ZFX: variants seen among roughly 807,000 people sequenced by gnomAD.
The protein encoded by ZFX is zinc finger X-chromosomal protein.
For missense variants in ZFX, 362 were observed against 628.3 expected (o/e 0.58, Z 4.53); for synonymous variants, 196 against 226.8 (o/e 0.86, Z 1.22).
chrX:24,168,766 T>A (rs1235649641), intron 3 of ZFX, among the ~76,000 whole-genome samples: 3 of 108,099 alleles, frequency 2.8e-5, no homozygotes, highest in Non-Finnish European at 3.8e-5. Context: ...ATGATTCTCG[T>A]AACTGGGAAG....
rs926065036 is a variant in ZFX, at chrX:24,215,814, C to A, written c.*4438C>A. On this transcript the variant is annotated 3_prime_UTR_variant, in exon 10 of 10. Transcript: ENST00000304543. ...GGTAAACTGAGTTGAGAGGAAGATT[C>A]AGCATTTAAAAGAGAAGGGTTGAAA... The A allele has an allele frequency of 9.5e-6, 1 of 105,218 alleles. No individual in the cohort carries two copies. Among genetic ancestry groups the A allele is most frequent in the East Asian group, 2.9e-4 (1 of 3,479 alleles). The allele number at this position is 105,218 out of a possible 1,213,427, so 8.7% of individuals were successfully genotyped here. A position where few individuals can be genotyped will look rare whatever the true frequency, so the allele number is the denominator to read the frequency against.
At chrX:24,185,228 A>G (rs1056758038) in intron 5 of ZFX, among the ~76,000 whole-genome samples, 3 of 110,466 alleles carry the variant, frequency 2.7e-5, no homozygotes, top group African/African-American at 6.6e-5. Flanking sequence ...AGCCTCCCCA[A>G]TTTCTTCAAT....
chrX:24,195,254 C>T (rs1338392719), intron 5 of ZFX, among the ~76,000 whole-genome samples: 8 of 110,295 alleles, frequency 7.3e-5, no homozygotes, highest in East Asian at 2.8e-4. Flanking sequence ...AGTGCAGTGG[C>T]GTGATCTTGG....
At chrX:24,180,123 T>A (rs1352196570) in intron 5 of ZFX, among the ~76,000 whole-genome samples, 20 of 109,371 alleles carry the variant, frequency 1.8e-4, no homozygotes, top group African/African-American at 6.7e-4. Flanking sequence ...TCCCAGCTAC[T>A]TGGGAGGCTG....
chrX:24,162,369 G>T (rs190938608), intron 3 of ZFX, among the ~76,000 whole-genome samples: 55 of 112,237 alleles, frequency 4.9e-4, no homozygotes, highest in African/African-American at 1.6e-3. Context: ...AATTCATACC[G>T]ATAATAGTTT....
intron 3 of ZFX, among the ~76,000 whole-genome samples, chrX:24,164,688 T>G (rs1933823215): frequency 9.0e-6 from 1 of 110,825 alleles, no homozygotes; most frequent in Non-Finnish European, 1.9e-5. Flanking sequence ...TCCCAGCACT[T>G]TGGGAGGCTG....
chrX:24,177,170 G>T lies in ZFX; in HGVS notation c.59-2013G>T, dbSNP rs752345194. Among the ~76,000 whole-genome samples, 8 of 110,513 alleles carry T rather than the reference G, an allele frequency of 7.2e-5. No homozygotes were observed. In the East Asian group the frequency reaches 2.3e-3, roughly 32 times the overall value. ...GATGGTCTCGATCTCCTGACCTCGG[G>T]ATCTGCCCACTTCGGCCTCCCAAAG... On this transcript the variant is annotated intron_variant, in intron 4 of 9. Coordinates refer to ENST00000304543, the MANE Select transcript of ZFX (RefSeq NM_003410.4).
At chrX:24,207,245 A>AATTTT in intron 5 of ZFX, 81 bp from the exon 6 acceptor site, 13 of 753,705 alleles carry the variant, frequency 1.7e-5, no homozygotes, top group South Asian at 1.0e-4. Flanking sequence ...AAAAAAAAAA[A>AATTTT]TTTTTTTTTT....
intron 3 of ZFX, 127 bp from the exon 4 acceptor site, chrX:24,172,584 ATAAG>A (rs937275053): frequency 4.7e-6 from 2 of 423,248 alleles, no homozygotes; most frequent in Middle Eastern, 6.9e-4. Flanking sequence ...TTTACTTTAG[ATAAG>A]TAAGTTTTTG....
intron 3 of ZFX, among the ~76,000 whole-genome samples, chrX:24,171,018 G>A (rs1436032925): frequency 1.8e-5 from 2 of 111,700 alleles, no homozygotes; most frequent in Admixed American, 9.5e-5. Flanking sequence ...TTCCTTTTAT[G>A]AATGTTAATT....
intron 3 of ZFX, among the ~76,000 whole-genome samples, chrX:24,157,367 C>T (rs1431976219): frequency 8.9e-6 from 1 of 111,877 alleles, no homozygotes; most frequent in Non-Finnish European, 1.9e-5. Flanking sequence ...TTCTGAGGTA[C>T]ACTTTTCCCC....
At position 24,179,696 on chromosome X, in the gene ZFX, T is replaced by C; in HGVS notation, c.572T>C (p.Ile191Thr). 8.3e-7 allele frequency: 1 copy of C among 1,211,428 alleles called. No individual in the cohort carries two copies. Among genetic ancestry groups the C allele is most frequent in the Non-Finnish European group, 1.1e-6 (1 of 895,565 alleles). Residue 191 changes from isoleucine (I) to threonine (T), a missense_variant, in exon 5 of 10, where the codon ATA (isoleucine) becomes ACA (threonine). By Grantham distance (89) the Ile-to-Thr change is moderately conservative. Transcript: ENST00000304543. ...GCAGACTGTGCCTCTGAAGCAGTCA[T>C]AGATGCCAATGGGATCCCTGTGGAC... is the stretch of plus-strand genomic sequence containing the variant. ...LVADCASEAV[I>T]DANGIPVDQQ...
chrX:24,156,156 G>A (rs1406036023), intron 3 of ZFX, among the ~76,000 whole-genome samples: 1 of 112,082 alleles, frequency 8.9e-6, no homozygotes, highest in African/African-American at 3.2e-5. Context: ...CTTGGCCTCT[G>A]AAAGTGCTGG....
intron 3 of ZFX, among the ~76,000 whole-genome samples, chrX:24,163,334 T>G (rs779054383): frequency 1.0e-5 from 1 of 98,400 alleles, no homozygotes; most frequent in South Asian, 4.9e-4. Flanking sequence ...ATTAACCAAG[T>G]TTGTAATTTG....
At chrX:24,169,959 T>C (rs1277942422) in intron 3 of ZFX, among the ~76,000 whole-genome samples, 1 of 109,601 alleles carries the variant, frequency 9.1e-6, no homozygotes, top group Non-Finnish European at 1.9e-5. Flanking sequence ...AATTAGGGAG[T>C]TGATTGTTTA....
At chrX:24,164,490 G>A (rs1410948482) in intron 3 of ZFX, among the ~76,000 whole-genome samples, 1 of 111,727 alleles carries the variant, frequency 9.0e-6, no homozygotes, top group East Asian at 2.8e-4. Flanking sequence ...CTCATAGGCC[G>A]AAAGTAATGT....
chrX:24,187,219 A>G (rs961122124), intron 5 of ZFX, among the ~76,000 whole-genome samples: 2 of 111,566 alleles, frequency 1.8e-5, no homozygotes, highest in African/African-American at 3.3e-5. Flanking sequence ...AGCTTCTCCA[A>G]GGTCACTCCC....
At chrX:24,198,676 T>A (rs943217745) in intron 5 of ZFX, among the ~76,000 whole-genome samples, 1 of 111,140 alleles carries the variant, frequency 9.0e-6, no homozygotes, top group African/African-American at 3.3e-5. Context: ...GACATTACAT[T>A]CTAGCAGAGG....
rs1454557990 is a variant in ZFX, at chrX:24,210,403, G to A, written c.1445G>A (p.Ser482Asn). 1 of 1,212,166 alleles carries A rather than the reference G, an allele frequency of 8.2e-7. No homozygotes were observed. The highest frequency in any genetic ancestry group is 1.1e-6 in the Non-Finnish European group (1 of 895,650). Residue 482 changes from serine (S) to asparagine (N), a missense_variant, in exon 10 of 10, where the codon AGC becomes AAC. Ser to Asn is a conservative substitution (Grantham distance 46). Coordinates refer to ENST00000304543, the MANE Select transcript of ZFX (RefSeq NM_003410.4). ...HNHLESHKLT[S>N]KAEKAIECDE... is the part of the protein sequence containing the mutation. ...CACCTGGAGAGCCACAAGCTGACCA[G>A]CAAGGCAGAGAAGGCCATTGAATGC...
Sources: allele counts gnomAD v4.1 joint callset (sites outside exome capture counted in the v4.1 genomes callset), GRCh38; gene constraint gnomAD v4.1.1; transcripts MANE v1.5; gene names NCBI Gene and HGNC (gene_info 2026-07-23, HGNC 2026-07-21).